The following MARK1 variants were observed in gnomAD, a reference collection of about 807,000 sequenced individuals.
MARK1 encodes serine/threonine-protein kinase MARK1.
In MARK1, 40 loss-of-function variants were observed where a neutral mutation model predicts 96.3. The ratio of observed to expected loss-of-function variants is 0.42; its 90% CI spans 0.32 to 0.54. MARK1 has a LOEUF of 0.54. MARK1 is among the 20% of genes least tolerant of loss of function. The pLI, the probability that MARK1 is intolerant of heterozygous loss-of-function variation, is 0.16. For missense variants in MARK1, 719 were observed against 984.6 expected, an observed-to-expected ratio of 0.73 and a Z score of 3.61; for synonymous variants, 317 against 341.2, an observed-to-expected ratio of 0.93 and a Z score of 0.78.
chr1:220,569,357 C>G (rs1239334231), intron 1 of MARK1, among the ~76,000 whole-genome samples: 2 of 151,924 alleles, frequency 1.3e-5, no homozygotes, highest in Admixed American at 6.6e-5. Flanking sequence ...TTTAAAAAAT[C>G]AACTACTGTC....
intron 13 of MARK1, among the ~76,000 whole-genome samples, chr1:220,638,562 T>C (rs1015813630): frequency 6.6e-6 from 1 of 152,206 alleles, no homozygotes; most frequent in Non-Finnish European, 1.5e-5. Context: ...CACAGCAGCT[T>C]TCTCAGAGTC....
At chr1:220,606,059 TTC>T (rs1228537124) in intron 6 of MARK1, among the ~76,000 whole-genome samples, 3 of 152,212 alleles carry the variant, frequency 2.0e-5, no homozygotes, top group Non-Finnish European at 4.4e-5. Context: ...CAAATGGTAG[TTC>T]TAGTTCTAGA....
intron 3 of MARK1, among the ~76,000 whole-genome samples, chr1:220,587,017 T>C (rs1664666725): frequency 6.6e-6 from 1 of 152,202 alleles, no homozygotes; most frequent in South Asian, 2.1e-4. Context: ...ATCACAGCTA[T>C]AATTGAAGAC....
At chr1:220,567,973 T>A (rs183488001) in intron 1 of MARK1, among the ~76,000 whole-genome samples, 1 of 152,172 alleles carries the variant, frequency 6.6e-6, no homozygotes, top group East Asian at 1.9e-4. Context: ...GTGTCTCTTA[T>A]GGGCAGCATA....
intron 7 of MARK1, among the ~76,000 whole-genome samples, chr1:220,616,989 C>G (rs1328174155): frequency 6.6e-6 from 1 of 152,192 alleles, no homozygotes; most frequent in Admixed American, 6.5e-5. Context: ...CTCAGAACCC[C>G]TTGCAGCTCT....
chr1:220,618,196 A>T lies in MARK1; in HGVS notation c.553-114A>T. Reference sequence around the variant, plus strand: ...ATACTGGGCTTCTAAATTTGATACTACATTTAGAAATGAGGGGCAAGAGAT... The same window carrying T: ...ATACTGGGCTTCTAAATTTGATACTTCATTTAGAAATGAGGGGCAAGAGAT... On this transcript the variant is annotated intron_variant, in intron 7 of 17. Coordinates refer to ENST00000366917, the MANE Select transcript of MARK1 (RefSeq NM_018650.5). The surrounding 1 kb of genome is among the most constrained non-coding windows in gnomAD (Gnocchi z 4.6). 1.5e-6 allele frequency: 1 copy of T among 678,440 alleles called. No individual in the cohort carries two copies. The highest frequency in any genetic ancestry group is 2.5e-6 in the Non-Finnish European group (1 of 396,352). The allele number at this position is 678,440 out of a possible 1,614,324, so 42.0% of individuals were successfully genotyped here. A position where few individuals can be genotyped will look rare whatever the true frequency, so the allele number is the denominator to read the frequency against.
chr1:220,550,998 G>A (rs545032703), intron 1 of MARK1, among the ~76,000 whole-genome samples: 1 of 152,292 alleles, frequency 6.6e-6, no homozygotes, highest in South Asian at 2.1e-4. Flanking sequence ...AATCCTCAGG[G>A]CCAGCAGTCA....
At chr1:220,561,695 C>G (rs1218185356) in intron 1 of MARK1, among the ~76,000 whole-genome samples, 2 of 152,052 alleles carry the variant, frequency 1.3e-5, no homozygotes, top group African/African-American at 4.8e-5. Flanking sequence ...TTAAGATCTA[C>G]TAGAATAGTA....
In MARK1 at chr1:220,664,071, T is replaced by C. The variant is rs1330740270; in HGVS notation, c.*1905T>C. ...TGAAACTATGAAGGTTTCTTGTCAT[T>C]ATGACAAGAAAGTTTAATCTTTTTA... On this transcript the variant is annotated 3_prime_UTR_variant, in exon 18 of 18. Coordinates refer to ENST00000366917, the MANE Select transcript of MARK1 (RefSeq NM_018650.5). 2 of 152,438 alleles carry C rather than the reference T, an allele frequency of 1.3e-5. No homozygotes were observed. The highest frequency in any genetic ancestry group is 2.4e-5 in the African/African-American group (1 of 41,432). The allele number at this position is 152,438 out of a possible 1,614,324, so 9.4% of individuals were successfully genotyped here. A position where few individuals can be genotyped will look rare whatever the true frequency, so the allele number is the denominator to read the frequency against.
intron 3 of MARK1, among the ~76,000 whole-genome samples, chr1:220,589,033 T>C (rs530050082): frequency 6.6e-6 from 1 of 152,336 alleles, no homozygotes; most frequent in East Asian, 1.9e-4. Context: ...ACTGTGACTC[T>C]GAAGACAGCC....
At chr1:220,545,447 T>TG (rs1553313813) in intron 1 of MARK1, among the ~76,000 whole-genome samples, 2 of 146,006 alleles carry the variant, frequency 1.4e-5, no homozygotes, top group African/African-American at 2.5e-5. Flanking sequence ...TGGTTTTTTT[T>TG]TTTTTTTTTT....
At chr1:220,572,189 C>T (rs559153539) in intron 1 of MARK1, among the ~76,000 whole-genome samples, 13 of 152,198 alleles carry the variant, frequency 8.5e-5, no homozygotes, top group African/African-American at 2.9e-4. Flanking sequence ...TGTAAGCTTC[C>T]ATAACTTGAT....
intron 1 of MARK1, among the ~76,000 whole-genome samples, chr1:220,529,165 A>G (rs1459908832): frequency 6.6e-6 from 1 of 152,182 alleles, no homozygotes; most frequent in African/African-American, 2.4e-5. Context: ...GCAGAATGGG[A>G]TGGCAGAGTG....
intron 1 of MARK1, among the ~76,000 whole-genome samples, chr1:220,569,721 G>C (rs1406902651): frequency 2.0e-5 from 3 of 151,968 alleles, no homozygotes; most frequent in Non-Finnish European, 4.4e-5. Context: ...TTTGCATTTA[G>C]ATCTATTCCT....
intron 11 of MARK1, among the ~76,000 whole-genome samples, chr1:220,632,835 A>G (rs1414312204): frequency 6.6e-6 from 1 of 152,240 alleles, no homozygotes; most frequent in African/African-American, 2.4e-5. Context: ...TTCAGGAAAT[A>G]ACTGCATACA....
At chr1:220,627,215 T>A (rs1366102883) in intron 9 of MARK1, 1 of 477,894 alleles carries the variant, frequency 2.1e-6, no homozygotes, top group African/African-American at 2.0e-5. Context: ...GACAAATGGA[T>A]CTCGATCTGT....
intron 6 of MARK1, among the ~76,000 whole-genome samples, chr1:220,609,600 A>G (rs890417067): frequency 3.3e-5 from 5 of 152,150 alleles, no homozygotes; most frequent in Non-Finnish European, 7.4e-5. Context: ...TGTCATTACA[A>G]CGTTTGCTGG....
At chr1:220,587,630 A>G (rs1030813996) in intron 3 of MARK1, among the ~76,000 whole-genome samples, 1 of 152,110 alleles carries the variant, frequency 6.6e-6, no homozygotes, top group Non-Finnish European at 1.5e-5. Context: ...TCAGCCTCCC[A>G]AAGTGCTGGG....
chr1:220,609,121 T>C (rs1015582222), intron 6 of MARK1, among the ~76,000 whole-genome samples: 2 of 151,870 alleles, frequency 1.3e-5, no homozygotes, highest in Admixed American at 1.3e-4. Context: ...TGTTAACCTG[T>C]CTCATTGATC....
Sources: gnomAD v4.1 joint callset for allele counts (sites outside exome capture counted in the v4.1 genomes callset) on GRCh38, gnomAD v4.1.1 for gene constraint, Gnocchi (gnomAD v3.1) non-coding constraint, MANE v1.5 for transcripts, NCBI Gene and HGNC (gene_info 2026-07-23, HGNC 2026-07-21) for gene names.